CAP2: variants seen among roughly 807,000 people sequenced by gnomAD.
The protein encoded by CAP2 is adenylyl cyclase-associated protein 2.
CAP2 carries 24 observed loss-of-function variants against 57.7 expected under a neutral mutation model. The ratio of observed to expected loss-of-function variants is 0.42; its 90% CI spans 0.30 to 0.58. The LOEUF (loss-of-function observed/expected upper bound fraction) is 0.58. Among genes scored for constraint, CAP2 ranks in the 20% least tolerant of loss-of-function variants. CAP2 has a pLI of 0.22. For synonymous variants in CAP2, 194 were observed against 207.2 expected (o/e 0.94, Z 0.55); for missense variants, 501 against 590.3 (o/e 0.85, Z 1.57).
At chr6:17,512,977 A>G (rs1253333620) in intron 6 of CAP2, among the ~76,000 whole-genome samples, 1 of 152,242 alleles carries the variant, frequency 6.6e-6, no homozygotes, top group African/African-American at 2.4e-5. Context: ...GCCCAGGAAC[A>G]TAATTAAATT....
intron 11 of CAP2, among the ~76,000 whole-genome samples, chr6:17,546,906 T>C (rs1390420451): frequency 6.6e-6 from 1 of 152,188 alleles, no homozygotes; most frequent in African/African-American, 2.4e-5. Context: ...TGTTTGCAGA[T>C]GACATGATTG....
chr6:17,517,426 G>T (rs1031689969), intron 7 of CAP2, among the ~76,000 whole-genome samples: 1 of 152,192 alleles, frequency 6.6e-6, no homozygotes, highest in Non-Finnish European at 1.5e-5. Context: ...AAATGTAGTT[G>T]TCTTCCTTTG....
At chr6:17,434,339 C>T (rs1423798535) in intron 3 of CAP2, among the ~76,000 whole-genome samples, 1 of 151,736 alleles carries the variant, frequency 6.6e-6, no homozygotes, top group Non-Finnish European at 1.5e-5. Context: ...AGCAATTGGC[C>T]TGCCTTAGCC....
At chr6:17,407,721 G>A (rs1420331898) in intron 1 of CAP2, among the ~76,000 whole-genome samples, 1 of 143,784 alleles carries the variant, frequency 7.0e-6, no homozygotes, top group Admixed American at 7.5e-5. Flanking sequence ...GGAGGTTGCA[G>A]TCAGCTGAGA....
intron 3 of CAP2, among the ~76,000 whole-genome samples, chr6:17,431,178 A>T (rs1300513795): frequency 1.3e-5 from 2 of 152,124 alleles, no homozygotes; most frequent in African/African-American, 4.8e-5. Context: ...AAGGGTGAGG[A>T]TCAGAAAGTA....
At chr6:17,502,613 G>C (rs2113650822) in intron 4 of CAP2, among the ~76,000 whole-genome samples, 1 of 152,010 alleles carries the variant, frequency 6.6e-6, no homozygotes, top group East Asian at 1.9e-4. Flanking sequence ...CCAATATAAA[G>C]TATCTTCCAG....
At chr6:17,505,366 C>G (rs997163302) in intron 4 of CAP2, among the ~76,000 whole-genome samples, 2 of 152,172 alleles carry the variant, frequency 1.3e-5, no homozygotes, top group Non-Finnish European at 2.9e-5. Flanking sequence ...GTTTGCTGTC[C>G]GTGGCAGAAA....
intron 7 of CAP2, among the ~76,000 whole-genome samples, chr6:17,520,526 A>G (rs1415318428): frequency 1.3e-5 from 2 of 152,160 alleles, no homozygotes; most frequent in Non-Finnish European, 2.9e-5. Context: ...GGTGGTTACA[A>G]TTATAGACAA....
intron 3 of CAP2, among the ~76,000 whole-genome samples, chr6:17,427,548 G>C (rs73367893): frequency 6.6e-6 from 1 of 151,182 alleles, no homozygotes. Flanking sequence ...GAGCCTCTAC[G>C]CACTGTTGAT....
intron 3 of CAP2, among the ~76,000 whole-genome samples, chr6:17,429,653 G>A (rs1446045587): frequency 2.6e-5 from 4 of 152,048 alleles, no homozygotes; most frequent in Non-Finnish European, 5.9e-5. Context: ...TAATGCTTAA[G>A]AAAATTTATG....
chr6:17,419,334 G>A (rs1382943673), intron 1 of CAP2, among the ~76,000 whole-genome samples: 1 of 152,206 alleles, frequency 6.6e-6, no homozygotes, highest in Non-Finnish European at 1.5e-5. Flanking sequence ...TGATTCAGAA[G>A]CATGCTGTTC....
At position 17,426,676 on chromosome 6, in the gene CAP2, G is replaced by T; in HGVS notation, c.208G>T (p.Asp70Tyr). Reference sequence around the variant, plus strand: ...AAAGAACAGTAGGATCCTTGCTGGGGACGTGGAGACCCATGTAAGTACTTT... The same window carrying T: ...AAAGAACAGTAGGATCCTTGCTGGGTACGTGGAGACCCATGTAAGTACTTT... Reference protein sequence around the residue: ...FLKNSRILAGDVETHAEMVHS... With the variant: ...FLKNSRILAGYVETHAEMVHS... Residue 70 changes from aspartate to tyrosine, a missense_variant, in exon 3 of 13, where the codon GAC (aspartate) becomes TAC (tyrosine). Transcript: ENST00000229922. 2 of 1,612,640 alleles carry T rather than the reference G, an allele frequency of 1.2e-6. No individual in the cohort carries two copies. The highest frequency in any genetic ancestry group is 1.7e-6 in the Non-Finnish European group (2 of 1,178,654).
At chr6:17,553,702 C>G (rs555140228) in intron 12 of CAP2, among the ~76,000 whole-genome samples, 2 of 151,704 alleles carry the variant, frequency 1.3e-5, no homozygotes, top group East Asian at 3.9e-4. Context: ...CACATGTTCT[C>G]GGTTGGAGCT....
chr6:17,552,023 T>C (rs1032884637), intron 12 of CAP2, among the ~76,000 whole-genome samples: 5 of 152,200 alleles, frequency 3.3e-5, no homozygotes, highest in Non-Finnish European at 5.9e-5. Flanking sequence ...AGTGAGAGGT[T>C]AAGTGTAAGA....
chr6:17,481,353 C>T (rs1761282477), intron 4 of CAP2, among the ~76,000 whole-genome samples: 1 of 152,078 alleles, frequency 6.6e-6, no homozygotes, highest in Non-Finnish European at 1.5e-5. Flanking sequence ...CTGATGTTAA[C>T]ATTTTAACAA....
At chr6:17,464,111 G>T (rs78014622) in intron 4 of CAP2, among the ~76,000 whole-genome samples, 3 of 152,018 alleles carry the variant, frequency 2.0e-5, no homozygotes, top group Non-Finnish European at 4.4e-5. Flanking sequence ...GCAAATAACT[G>T]CATTCCCTCT....
chr6:17,425,570 C>T (rs950169707), intron 2 of CAP2, among the ~76,000 whole-genome samples: 3 of 152,118 alleles, frequency 2.0e-5, no homozygotes. Context: ...GGAAGAAGGG[C>T]CACTGGCTTT....
chr6:17,412,256 C>T (rs1480966494), intron 1 of CAP2, among the ~76,000 whole-genome samples: 2 of 152,176 alleles, frequency 1.3e-5, no homozygotes, highest in Non-Finnish European at 2.9e-5. Context: ...ACTGTCTACT[C>T]CTCAAGGAGA....
chr6:17,543,037 T>G, intron 10 of CAP2, 24 bp from the exon 11 acceptor site: 1 of 1,613,372 alleles, frequency 6.2e-7, no homozygotes, highest in Non-Finnish European at 8.5e-7. Context: ...AGTTGGTTTT[T>G]TGTTGTGTTT....
Sources: allele counts gnomAD v4.1 joint callset (sites outside exome capture counted in the v4.1 genomes callset), GRCh38; gene constraint gnomAD v4.1.1; transcripts MANE v1.5; gene names NCBI Gene and HGNC (gene_info 2026-07-23, HGNC 2026-07-21).